The following TRPM3 variants were observed in gnomAD, a reference collection of about 807,000 sequenced individuals.
TRPM3 encodes transient receptor potential cation channel subfamily M member 3, also known as long transient receptor potential channel 3.
A neutral mutation model predicts 181.2 loss-of-function variants in TRPM3; 77 were observed. The observed-to-expected ratio is 0.42, with a 90% confidence interval of 0.35 to 0.51. The LOEUF is 0.51. TRPM3 is among the 20% of genes least tolerant of loss of function. TRPM3 has a pLI of 0.01. For synonymous variants in TRPM3, 745 were observed against 796.4 expected, an observed-to-expected ratio of 0.94 and a Z score of 1.09; for missense variants, 1,759 against 2,196.7, an observed-to-expected ratio of 0.80 and a Z score of 3.98.
chr9:71,298,471 CT>C (rs35085286), intron 1 of TRPM3, among the ~76,000 whole-genome samples: 6,878 of 143,824 alleles, frequency 0.048, 166 homozygotes, highest in East Asian at 0.11. Context: ...ATAATCTGGT[CT>C]TTTTTTTTTT....
At chr9:70,595,070 A>C (rs999241356) in intron 21 of TRPM3, among the ~76,000 whole-genome samples, 1 of 152,228 alleles carries the variant, frequency 6.6e-6, no homozygotes, top group African/African-American at 2.4e-5. Context: ...AATGCAGTAC[A>C]TTCCTCTTGC....
chr9:70,658,245 C>T (rs1243614368), intron 9 of TRPM3, among the ~76,000 whole-genome samples: 8 of 152,106 alleles, frequency 5.3e-5, no homozygotes, highest in African/African-American at 1.7e-4. Flanking sequence ...CTTGAGTTAT[C>T]ACTTTGGTCA....
chr9:71,329,093 A>G (rs1315819947), intron 1 of TRPM3, among the ~76,000 whole-genome samples: 1 of 152,250 alleles, frequency 6.6e-6, no homozygotes, highest in Non-Finnish European at 1.5e-5. Flanking sequence ...TGAATAAGAT[A>G]AGGTAAGAAA....
Position 70,598,526 on chromosome 9 carries a change from C to T in TRPM3, c.2941G>A (p.Gly981Arg). 5 of 1,614,222 alleles carry T rather than the reference C, an allele frequency of 3.1e-6. No homozygotes were observed. The highest frequency in any genetic ancestry group is 4.5e-5 in the East Asian group (2 of 44,888). ...RLQDQPFRSD[G>R]RVIYCVNIIY... Reference sequence around the variant, plus strand: ...ATGTTCACGCAGTAGATGACCCTCCCGTCACTCCTGAAGGGCTGGTCTTGG... The same window carrying T: ...ATGTTCACGCAGTAGATGACCCTCCTGTCACTCCTGAAGGGCTGGTCTTGG... The change falls in exon 21 of 26, where the codon GGG (glycine) becomes AGG (arginine). Residue 981 changes from glycine to arginine, a missense_variant. This residue lies in a region of TRPM3 where 100 missense variants were observed against 123.0 expected (regional missense o/e 0.81). Coordinates refer to ENST00000677713, the MANE Select transcript of TRPM3 (RefSeq NM_001366145.2).
intron 1 of TRPM3, among the ~76,000 whole-genome samples, chr9:71,180,619 C>T (rs911500190): frequency 2.0e-5 from 3 of 152,096 alleles, no homozygotes; most frequent in Non-Finnish European, 4.4e-5. Flanking sequence ...ACACAGTTCC[C>T]ACTGAAGTCA....
At chr9:71,380,112 A>C (rs1015516939) in intron 1 of TRPM3, among the ~76,000 whole-genome samples, 3 of 152,098 alleles carry the variant, frequency 2.0e-5, no homozygotes, top group Non-Finnish European at 4.4e-5. Flanking sequence ...GTTAGTATAC[A>C]ACATTCTCAG....
chr9:70,765,554 T>C (rs2078945290), intron 7 of TRPM3, among the ~76,000 whole-genome samples: 1 of 152,102 alleles, frequency 6.6e-6, no homozygotes. Context: ...CACGCATCAC[T>C]GCACTCCAGC....
intron 1 of TRPM3, among the ~76,000 whole-genome samples, chr9:70,885,565 G>A (rs11142636): frequency 0.75 from 114,408 of 151,998 alleles, 43,441 homozygotes; most frequent in Middle Eastern, 0.8. Context: ...TTTTTACCCA[G>A]CTAGGTCATT....
Position 70,827,965 on chromosome 9 carries a change from G to A in TRPM3, c.855C>T (p.Leu285=). Residue 285 remains leucine (L), a synonymous_variant, in exon 6 of 26, where the codon CTC becomes CTT. Transcript: ENST00000677713. ...GAATGAAGTGGGAATGCATGCTGTT[G>A]AGAACAGTGAGCTTGCTCATGGGAT... is the stretch of plus-strand genomic sequence containing the variant. ...MSNPMSKLTV[L]NSMHSHFILA... is the part of the protein sequence containing the mutation. 1 of 1,614,086 alleles carries A rather than the reference G, an allele frequency of 6.2e-7. No individual in the cohort carries two copies.
At chr9:71,389,313 T>TAA (rs145576567) in intron 1 of TRPM3, among the ~76,000 whole-genome samples, 1 of 147,270 alleles carries the variant, frequency 6.8e-6, no homozygotes, top group South Asian at 2.1e-4. Context: ...TGGCCATAAT[T>TAA]AAAAAAAAAA....
At chr9:70,766,543 AG>A (rs1205250069) in intron 7 of TRPM3, among the ~76,000 whole-genome samples, 2 of 152,240 alleles carry the variant, frequency 1.3e-5, no homozygotes, top group African/African-American at 4.8e-5. Flanking sequence ...GGCACTTAAA[AG>A]ACACAATCAC....
Position 71,081,117 on chromosome 9 carries a change from T to C in TRPM3, c.177+40061A>G, listed in dbSNP as rs187725013. Among the ~76,000 whole-genome samples the C allele has an allele frequency of 3.2e-3, 484 of 152,318 alleles. 1 individual carries two copies. Among genetic ancestry groups the C allele is most frequent in the Admixed American group, 5.0e-3 (77 of 15,304 alleles). ...TCTCCTCGCTCCCACCTCAGCTTCC[T>C]GGATGTGACGCTAAATTGACATTTA... is the stretch of plus-strand genomic sequence containing the variant. On this transcript the variant is annotated intron_variant, in intron 1 of 25. Coordinates refer to ENST00000677713, the MANE Select transcript of TRPM3 (RefSeq NM_001366145.2).
intron 1 of TRPM3, among the ~76,000 whole-genome samples, chr9:71,341,575 A>G (rs1246192373): frequency 3.3e-5 from 5 of 152,070 alleles, no homozygotes; most frequent in African/African-American, 4.8e-5. Flanking sequence ...ACTCAAGGAT[A>G]TATATTGAAT....
At chr9:71,351,473 T>C (rs2091618415) in intron 1 of TRPM3, among the ~76,000 whole-genome samples, 1 of 152,244 alleles carries the variant, frequency 6.6e-6, no homozygotes, top group South Asian at 2.1e-4. Context: ...TGATCGAAAC[T>C]ATATATATGA....
chr9:70,954,480 T>C (rs1163458123), intron 1 of TRPM3, among the ~76,000 whole-genome samples: 2 of 152,182 alleles, frequency 1.3e-5, no homozygotes, highest in Admixed American at 6.5e-5. Flanking sequence ...GACTCATTTT[T>C]ATAGTATTAA....
At chr9:70,562,168 G>T (rs947130760) in intron 22 of TRPM3, among the ~76,000 whole-genome samples, 4 of 152,294 alleles carry the variant, frequency 2.6e-5, no homozygotes, top group African/African-American at 9.6e-5. Context: ...TAGAACAAAG[G>T]TTATAAACTA....
intron 7 of TRPM3, among the ~76,000 whole-genome samples, chr9:70,769,229 C>A (rs940888052): frequency 6.6e-6 from 1 of 152,172 alleles, no homozygotes; most frequent in Non-Finnish European, 1.5e-5. Flanking sequence ...GGCTCATCTC[C>A]TGCCACTCTG....
At position 70,535,247 on chromosome 9, in the gene TRPM3, A is replaced by G. The variant is rs1296833139; in HGVS notation, c.*706T>C. On this transcript the variant is annotated 3_prime_UTR_variant, in exon 26 of 26. Transcript: ENST00000677713. ...CTTCTTTCATTTCGATTGCAATACA[A>G]AAAGGCATTTCTGTTCCCTTATTTT... 8.8e-6 allele frequency: 6 copies of G among 678,648 alleles called. No individual in the cohort carries two copies. The Admixed American group carries it at 1.9e-4, about 22-fold the overall frequency. The allele number at this position is 678,648 out of a possible 1,614,324, so 42.0% of individuals were successfully genotyped here.
chr9:70,801,882 G>T lies in TRPM3; in HGVS notation c.974-17603C>A, dbSNP rs527972850. Among the ~76,000 whole-genome samples the T allele has an allele frequency of 5.9e-5, 9 of 152,248 alleles. No homozygotes were observed. In the East Asian group the frequency reaches 1.7e-3, roughly 29 times the overall value. The stretch of plus-strand genomic sequence containing the variant: ...GATTCTAATGTGCAAAAACTAATTC[G>T]TTCACTGAAAACTATCCCAAGAAGG... On this transcript the variant is annotated intron_variant, in intron 6 of 25. Coordinates refer to ENST00000677713, the MANE Select transcript of TRPM3 (RefSeq NM_001366145.2).
Sources: allele counts gnomAD v4.1 joint callset (sites outside exome capture counted in the v4.1 genomes callset), GRCh38; gene constraint gnomAD v4.1.1; regional missense constraint gnomAD v4.1.1; transcripts MANE v1.5; gene names NCBI Gene and HGNC (gene_info 2026-07-23, HGNC 2026-07-21).